Variants in PGAP4 observed in about 807,000 individuals in gnomAD.
PGAP4 encodes the protein post-GPI attachment to proteins GalNAc transferase 4, also known as GPI-N-acetylgalactosamine transferase PGAP4.
PGAP4 carries 12 observed loss-of-function variants against 28.2 expected under a neutral mutation model. The ratio of observed to expected loss-of-function variants is 0.42; its 90% CI spans 0.27 to 0.69. The LOEUF is 0.69. PGAP4 is among the 30% of genes least tolerant of loss of function. The pLI is 0.22. For synonymous variants in PGAP4, 205 were observed against 211.8 expected (o/e 0.97, Z 0.28); for missense variants, 425 against 513.5 (o/e 0.83, Z 1.67).
chr9:101,518,930 G>A (rs1258002036), intron 2 of PGAP4, among the ~76,000 whole-genome samples: 2 of 152,112 alleles, frequency 1.3e-5, no homozygotes, highest in African/African-American at 4.8e-5. Context: ...ATTCCCACCA[G>A]CAGTGTAGAA....
At position 101,473,197 on chromosome 9, in the gene PGAP4, TCA is replaced by T. The variant is rs1343667722; in HGVS notation, c.*2682_*2683del. 2 of 152,222 alleles carry T rather than the reference TCA, an allele frequency of 1.3e-5. No individual in the cohort carries two copies. Among genetic ancestry groups the T allele is most frequent in the Non-Finnish European group, 2.9e-5 (2 of 68,036 alleles). 9.4% of individuals were successfully genotyped at this position (152,222 alleles called of 1,614,324 possible). A position where few individuals can be genotyped will look rare whatever the true frequency, so the allele number is the denominator to read the frequency against. Reference sequence around the variant, plus strand: ...CTTAGCAAAATGGGTGCTTTTATTTTCACAGACATGTCTATGCAATACACTCA... The same window carrying T: ...CTTAGCAAAATGGGTGCTTTTATTTTCAGACATGTCTATGCAATACACTCA... On this transcript the variant is annotated 3_prime_UTR_variant, in exon 2 of 2. Coordinates refer to ENST00000374848, the MANE Select transcript of PGAP4 (RefSeq NM_032342.3).
chr9:101,488,264 C>T (rs944834292), upstream of PGAP4, among the ~76,000 whole-genome samples: 13 of 152,260 alleles, frequency 8.5e-5, no homozygotes, highest in South Asian at 8.3e-4. Flanking sequence ...AAACCTATAT[C>T]TGAGGCTGGA....
intron 1 of PGAP4, among the ~76,000 whole-genome samples, chr9:101,483,763 G>A (rs1188184043): frequency 6.6e-6 from 1 of 151,562 alleles, no homozygotes; most frequent in African/African-American, 2.4e-5. Flanking sequence ...AGTCAAAAGG[G>A]AAAAAAATAA....
chr9:101,496,399 A>G (rs1826748427), intron 2 of PGAP4, among the ~76,000 whole-genome samples: 1 of 151,566 alleles, frequency 6.6e-6, no homozygotes, highest in Non-Finnish European at 1.5e-5. Flanking sequence ...TGAGCAGTTT[A>G]AAAATATATA....
chr9:101,487,466 G>A (rs1676816975), upstream of PGAP4, among the ~76,000 whole-genome samples: 2 of 152,168 alleles, frequency 1.3e-5, no homozygotes, highest in African/African-American at 2.4e-5. Flanking sequence ...AAACGGCCAC[G>A]AGAGACATAA....
intron 1 of PGAP4, among the ~76,000 whole-genome samples, chr9:101,482,630 A>G (rs1399625708): frequency 6.6e-6 from 1 of 152,174 alleles, no homozygotes; most frequent in Non-Finnish European, 1.5e-5. Flanking sequence ...ATTTGCCAAG[A>G]TTCTTCACAA....
In PGAP4 at chr9:101,511,104, C is replaced by T. The variant is rs183293363; in HGVS notation, c.-165+20244G>A. On this transcript the variant is annotated intron_variant, in intron 2 of 3. Transcript: ENST00000374851. The stretch of plus-strand genomic sequence containing the variant: ...TTAGATTCTCATAAGGAGCATGAAA[C>T]CTAGATCCCTCACATGTGCAGTTCA... Among the ~76,000 whole-genome samples, 747 of 152,280 alleles carry T rather than the reference C, an allele frequency of 4.9e-3. 8 individuals are homozygous for T. Among genetic ancestry groups the T allele is most frequent in the South Asian group, 8.9e-3 (43 of 4,820 alleles).
At chr9:101,504,888 C>T (rs2118598564) in intron 2 of PGAP4, among the ~76,000 whole-genome samples, 1 of 152,136 alleles carries the variant, frequency 6.6e-6, no homozygotes, top group South Asian at 2.1e-4. Context: ...TTGGGTTGGG[C>T]ACCAAAAAGC....
chr9:101,492,344 C>T (rs974822899), intron 2 of PGAP4, among the ~76,000 whole-genome samples: 4 of 152,076 alleles, frequency 2.6e-5, no homozygotes, highest in African/African-American at 7.2e-5. Context: ...AGGCGCATAC[C>T]ACCATGCTCA....
chr9:101,477,567 A>G (rs1825961778), intron 1 of PGAP4, among the ~76,000 whole-genome samples: 1 of 152,204 alleles, frequency 6.6e-6, no homozygotes, highest in African/African-American at 2.4e-5. Context: ...CAAAGGAAAT[A>G]TACACATTTA....
intron 2 of PGAP4, among the ~76,000 whole-genome samples, chr9:101,494,618 C>T (rs959645704): frequency 1.3e-5 from 2 of 151,626 alleles, no homozygotes; most frequent in Non-Finnish European, 1.5e-5. Context: ...TCATTTAGTT[C>T]ATTGATTTAA....
In PGAP4 at chr9:101,531,074, C is replaced by A. The variant is rs563603028; in HGVS notation, c.-165+274G>T. Among the ~76,000 whole-genome samples the A allele has an allele frequency of 1.3e-4, 20 of 152,210 alleles. No homozygotes were observed. In the East Asian group the frequency reaches 3.5e-3, roughly 27 times the overall value. ...GCAGACTGCCTTTAGACTTAAACTG[C>A]AAATCTTTCCTGGGGCTCCAGGTTG... On this transcript the variant is annotated intron_variant, in intron 2 of 3. Coordinates refer to the PGAP4 transcript ENST00000374851.
chr9:101,484,181 G>A (rs1351370149), intron 1 of PGAP4, among the ~76,000 whole-genome samples: 2 of 151,852 alleles, frequency 1.3e-5, no homozygotes, highest in Non-Finnish European at 2.9e-5. Context: ...TATGCAGTAG[G>A]AAGAAAAAGA....
At chr9:101,492,517 A>G (rs1826700072) in intron 2 of PGAP4, among the ~76,000 whole-genome samples, 1 of 152,124 alleles carries the variant, frequency 6.6e-6, no homozygotes, top group Non-Finnish European at 1.5e-5. Flanking sequence ...TTTTCTTTGC[A>G]CATCTAATAA....
chr9:101,498,502 T>C (rs1826771163), intron 2 of PGAP4, among the ~76,000 whole-genome samples: 1 of 151,864 alleles, frequency 6.6e-6, no homozygotes, highest in African/African-American at 2.4e-5. Context: ...TAAGAATTTT[T>C]TTTTTTTTTT....
chr9:101,533,093 CT>C (rs200405110), exon 1 of PGAP4: 1 of 148,710 alleles, frequency 6.7e-6, no homozygotes, highest in Non-Finnish European at 1.5e-5. Context: ...TTGTCATAAA[CT>C]TAAAAAAAAA....
At chr9:101,529,003 T>C (rs970094671) in intron 2 of PGAP4, among the ~76,000 whole-genome samples, 2 of 152,090 alleles carry the variant, frequency 1.3e-5, no homozygotes, top group African/African-American at 4.8e-5. Flanking sequence ...TGTCCATGTG[T>C]TCTCATCACT....
chr9:101,480,194 C>T (rs1826442792), intron 1 of PGAP4, among the ~76,000 whole-genome samples: 1 of 152,142 alleles, frequency 6.6e-6, no homozygotes. Context: ...TTACACACTA[C>T]ACGAATAAGG....
chr9:101,490,519 C>A (rs921246643), upstream of PGAP4, among the ~76,000 whole-genome samples: 2 of 152,190 alleles, frequency 1.3e-5, no homozygotes, highest in African/African-American at 4.8e-5. Context: ...GATTTAGGTT[C>A]TTGGTGCATC....
Sources: gnomAD v4.1 joint callset for allele counts (sites outside exome capture counted in the v4.1 genomes callset) on GRCh38, gnomAD v4.1.1 for gene constraint, MANE v1.5 for transcripts, NCBI Gene and HGNC (gene_info 2026-07-23, HGNC 2026-07-21) for gene names.